Variants in SPAG17 observed in about 807,000 individuals in gnomAD.
SPAG17 encodes sperm associated antigen 17.
SPAG17 carries 169 observed loss-of-function variants against 273.6 expected under a neutral mutation model. The ratio of observed to expected loss-of-function variants is 0.62; its 90% CI spans 0.55 to 0.70. The LOEUF is 0.70. SPAG17 is among the 30% of genes least tolerant of loss of function. The pLI is 0.00. For synonymous variants in SPAG17, 825 were observed against 873.2 expected, an observed-to-expected ratio of 0.94 and a Z score of 0.97; for missense variants, 2,557 against 2,627.8, an observed-to-expected ratio of 0.97 and a Z score of 0.59.
chr1:117,959,312 G>C (rs1156493116), intron 48 of SPAG17: 1 of 1,613,132 alleles, frequency 6.2e-7, no homozygotes, highest in Admixed American at 1.7e-5. Flanking sequence ...GCTTCAATAT[G>C]GCTGGTCTTG....
intron 4 of SPAG17, among the ~76,000 whole-genome samples, chr1:118,102,565 G>A (rs150666751): frequency 2.3e-3 from 350 of 152,198 alleles, no homozygotes; most frequent in Non-Finnish European, 4.1e-3. Context: ...TTCAAAGATG[G>A]GGTCAGAATA....
At chr1:117,980,829 G>A (rs1325302245) in intron 43 of SPAG17, among the ~76,000 whole-genome samples, 1 of 152,102 alleles carries the variant, frequency 6.6e-6, no homozygotes. Context: ...TATGTGCTAT[G>A]TAAGATAGAG....
chr1:118,087,271 T>TA (rs1227158876), intron 10 of SPAG17: 6 of 288,988 alleles, frequency 2.1e-5, no homozygotes, highest in Non-Finnish European at 3.8e-5. Context: ...AAGTTTTTGA[T>TA]AAAAATATTT....
chr1:118,043,825 C>A (rs1650043484), intron 20 of SPAG17, among the ~76,000 whole-genome samples: 3 of 152,144 alleles, frequency 2.0e-5, no homozygotes. Flanking sequence ...TTACTTGACT[C>A]AGCAAAAAAG....
At chr1:118,122,258 GC>G (rs1190211290) in intron 3 of SPAG17, among the ~76,000 whole-genome samples, 1 of 152,050 alleles carries the variant, frequency 6.6e-6, no homozygotes, top group Non-Finnish European at 1.5e-5. Flanking sequence ...TGATGGAAGA[GC>G]AGATAATTTG....
intron 48 of SPAG17, chr1:117,960,298 T>C (rs1652891932): frequency 6.6e-6 from 1 of 152,210 alleles, no homozygotes; most frequent in African/African-American, 2.4e-5. Flanking sequence ...TAGCCTGTTA[T>C]TGACTGGGAG....
At chr1:118,146,294 T>C (rs921916645) in intron 3 of SPAG17, among the ~76,000 whole-genome samples, 12 of 152,196 alleles carry the variant, frequency 7.9e-5, no homozygotes, top group African/African-American at 2.9e-4. Flanking sequence ...GAATGACTAC[T>C]GATATTTTCC....
chr1:118,042,198 C>G (rs1649851317), intron 20 of SPAG17, among the ~76,000 whole-genome samples, 156 bp from the exon 21 acceptor site: 1 of 152,132 alleles, frequency 6.6e-6, no homozygotes, highest in South Asian at 2.1e-4. Context: ...ATCCTTAATT[C>G]TCTTTCTCAC....
Position 117,958,776 on chromosome 1 carries a change from T to A in SPAG17, c.*1-4727A>T, listed in dbSNP as rs1652591934. On this transcript the variant is annotated intron_variant, in intron 48 of 48. Transcript: ENST00000336338. ...AAAGAAACTTCTTTGGCTTTTTTTT[T>A]TTTTTTTGCTCGAAACATTTCTATA... 6.5e-5 allele frequency: 38 copies of A among 587,204 alleles called. No homozygotes were observed. In the East Asian group the frequency reaches 1.2e-3, roughly 18 times the overall value. 36.4% of individuals were successfully genotyped at this position (587,204 alleles called of 1,614,324 possible).
chr1:118,063,906 C>T (rs972229466), intron 18 of SPAG17, among the ~76,000 whole-genome samples: 2 of 152,060 alleles, frequency 1.3e-5, no homozygotes, highest in African/African-American at 4.8e-5. Flanking sequence ...ACAAACAACC[C>T]CATCAAAAAG....
At chr1:118,036,605 C>G (rs1443863149) in intron 24 of SPAG17, 165 bp downstream of exon 24, 2 of 519,358 alleles carry the variant, frequency 3.9e-6, no homozygotes, top group Non-Finnish European at 7.0e-6. Context: ...TATATAGACA[C>G]ACACACACAC....
At chr1:118,132,148 G>A (rs1037593234) in intron 3 of SPAG17, among the ~76,000 whole-genome samples, 7 of 152,168 alleles carry the variant, frequency 4.6e-5, no homozygotes, top group Non-Finnish European at 1.0e-4. Flanking sequence ...TCTCCACACT[G>A]GGAGAGTCAG....
intron 4 of SPAG17, 38 bp from the exon 5 acceptor site, chr1:118,101,964 G>A (rs757099623): frequency 1.3e-4 from 202 of 1,559,012 alleles, no homozygotes; most frequent in Non-Finnish European, 1.6e-4. Context: ...AAATCAAACA[G>A]TGAGCAAGCA....
Position 117,964,002 on chromosome 1 carries a change from A to G in SPAG17, c.6533-64T>C, listed in dbSNP as rs2101409229. The stretch of plus-strand genomic sequence containing the variant: ...ATTATTTGCATATATAAACCTAAAT[A>G]ACATTTTAGAATCATAGAATTTCTT... On this transcript the variant is annotated intron_variant, in intron 47 of 48. Coordinates refer to ENST00000336338, the MANE Select transcript of SPAG17 (RefSeq NM_206996.4). The G allele has an allele frequency of 4.0e-6, 6 of 1,517,628 alleles. No individual in the cohort carries two copies. The South Asian group carries it at 7.5e-5, about 19-fold the overall frequency. The allele number at this position is 1,517,628 out of a possible 1,614,324, so 94.0% of individuals were successfully genotyped here.
chr1:117,968,632 G>C (rs1190823106), intron 46 of SPAG17, among the ~76,000 whole-genome samples: 1 of 152,174 alleles, frequency 6.6e-6, no homozygotes, highest in Non-Finnish European at 1.5e-5. Context: ...GGAAAACAAG[G>C]CTCAGAGCAT....
Position 117,963,957 on chromosome 1 carries a change from G to T in SPAG17, c.6533-19C>A, listed in dbSNP as rs1457233193. On this transcript the variant is annotated intron_variant, in intron 47 of 48. Transcript: ENST00000336338. ...AAAACAGGTAAAATACTTGTTAAGG[G>T]CTGTGCTTTTCATGACTAAATTATT... 2 of 1,601,812 alleles carry T rather than the reference G, an allele frequency of 1.2e-6. No individual in the cohort carries two copies. The highest frequency in any genetic ancestry group is 1.7e-5 in the Admixed American group (1 of 57,402).
chr1:118,054,056 T>C lies in SPAG17; in HGVS notation c.2760A>G (p.Gln920=). ...TCTTTTCCTTCTCTTTTTCTTTTTC[T>C]TGATCTGATATCTCTGTTTTGCTGA... The part of the protein sequence containing the change: ...KGISKTEISD[Q]EKEKEKEKIP... Residue 920 remains glutamine (Q), a synonymous_variant, in exon 20 of 49, where the codon CAA becomes CAG. Transcript: ENST00000336338. The C allele has an allele frequency of 6.2e-7, 1 of 1,608,188 alleles. No homozygotes were observed. Among genetic ancestry groups the C allele is most frequent in the South Asian group, 1.1e-5 (1 of 90,660 alleles).
chr1:118,041,485 T>G (rs781407214), intron 21 of SPAG17, among the ~76,000 whole-genome samples: 2 of 152,090 alleles, frequency 1.3e-5, no homozygotes, highest in African/African-American at 4.8e-5. Context: ...CTGAGACAGA[T>G]AAAGCCAACT....
In SPAG17 at chr1:117,994,498, G is replaced by A. The variant is rs201553404; in HGVS notation, c.5086C>T (p.His1696Tyr). 1.2e-6 allele frequency: 2 copies of A among 1,612,730 alleles called. No homozygotes were observed. Among genetic ancestry groups the A allele is most frequent in the Non-Finnish European group, 1.7e-6 (2 of 1,179,138 alleles). Residue 1696 changes from histidine (H) to tyrosine (Y), a missense_variant, in exon 35 of 49, where the codon CAT (histidine) becomes TAT (tyrosine). By Grantham distance (83) the His-to-Tyr change is moderately conservative (BLOSUM62 2). Coordinates refer to ENST00000336338, the MANE Select transcript of SPAG17 (RefSeq NM_206996.4). Reference sequence around the variant, plus strand: ...TTTACTTGCCATGGTGATGCTTCATGGAAAGGGCGAAGGACTGTGATGGTT... The same window carrying A: ...TTTACTTGCCATGGTGATGCTTCATAGAAAGGGCGAAGGACTGTGATGGTT... ...TLTITVLRPF[H>Y]EASPWQVKKE...
Sources: allele counts gnomAD v4.1 joint callset (sites outside exome capture counted in the v4.1 genomes callset), GRCh38; gene constraint gnomAD v4.1.1; transcripts MANE v1.5; gene names NCBI Gene and HGNC (gene_info 2026-07-23, HGNC 2026-07-21).